The following RSPO3 variants were observed in gnomAD, a reference collection of about 807,000 sequenced individuals.
RSPO3 encodes R-spondin 3, also known as R-spondin-3.
Under a neutral mutation model 36.5 loss-of-function variants are expected in RSPO3, and 17 were observed. The observed-to-expected ratio is 0.47, with a 90% CI of 0.32 to 0.70. The LOEUF (loss-of-function observed/expected upper bound fraction) is 0.70. RSPO3 is among the 30% of genes least tolerant of loss of function. The pLI is 0.04. For missense variants in RSPO3, 294 were observed against 322.5 expected (o/e 0.91, Z 0.68); for synonymous variants, 108 against 107.0 (o/e 1.01, Z -0.06).
chr6:127,162,867 TCTG>T (rs1350375662), intron 4 of RSPO3, among the ~76,000 whole-genome samples: 1 of 152,202 alleles, frequency 6.6e-6, no homozygotes, highest in Non-Finnish European at 1.5e-5. Context: ...ATGAAACTTC[TCTG>T]CTTACATTTC....
chr6:127,152,163 A>G (rs1774502827), intron 3 of RSPO3, among the ~76,000 whole-genome samples: 2 of 152,162 alleles, frequency 1.3e-5, no homozygotes, highest in African/African-American at 4.8e-5. Flanking sequence ...AAGACTATTT[A>G]TTTCTTAACA....
chr6:127,168,325 G>T (rs756677321), intron 4 of RSPO3, among the ~76,000 whole-genome samples: 5 of 152,080 alleles, frequency 3.3e-5, no homozygotes, highest in Non-Finnish European at 5.9e-5. Flanking sequence ...TCTCATTGTG[G>T]TTTTGATTTG....
chr6:127,158,625 T>C (rs1428987457), intron 4 of RSPO3, among the ~76,000 whole-genome samples: 1 of 152,118 alleles, frequency 6.6e-6, no homozygotes, highest in Non-Finnish European at 1.5e-5. Flanking sequence ...ACAGAGTGGA[T>C]TCATCTAGTT....
chr6:127,143,318 C>A (rs1279075099), intron 1 of RSPO3, among the ~76,000 whole-genome samples: 2 of 151,946 alleles, frequency 1.3e-5, no homozygotes, highest in Non-Finnish European at 2.9e-5. Flanking sequence ...TGTGAGCACA[C>A]TTCTAAAAAG....
chr6:127,198,523 T>C lies in RSPO3; in HGVS notation c.*2516T>C, dbSNP rs550520128. 2.0e-5 allele frequency among the ~76,000 whole-genome samples: 3 copies of C among 152,304 alleles called. No homozygotes were observed. Among genetic ancestry groups the C allele is most frequent in the African/African-American group, 7.2e-5 (3 of 41,560 alleles). On this transcript the variant is annotated 3_prime_UTR_variant, in exon 5 of 5. Coordinates refer to ENST00000356698, the MANE Select transcript of RSPO3 (RefSeq NM_032784.5). Reference sequence around the variant, plus strand: ...ATTCTGTCTCCATAATGGGGTAAACTGTTGATAGTTTACCCCATCAACAGA... The same window carrying C: ...ATTCTGTCTCCATAATGGGGTAAACCGTTGATAGTTTACCCCATCAACAGA...
intron 1 of RSPO3, among the ~76,000 whole-genome samples, chr6:127,126,053 A>C (rs953233722): frequency 6.6e-6 from 1 of 152,176 alleles, no homozygotes; most frequent in Non-Finnish European, 1.5e-5. Flanking sequence ...AAAGGGAAAG[A>C]GATGGAGGCC....
chr6:127,168,323 T>C (rs1239802630), intron 4 of RSPO3, among the ~76,000 whole-genome samples: 1 of 152,158 alleles, frequency 6.6e-6, no homozygotes, highest in African/African-American at 2.4e-5. Flanking sequence ...TTTCTCATTG[T>C]GGTTTTGATT....
intron 4 of RSPO3, among the ~76,000 whole-genome samples, chr6:127,169,162 C>A (rs1421332156): frequency 1.3e-5 from 2 of 151,866 alleles, no homozygotes; most frequent in Non-Finnish European, 2.9e-5. Flanking sequence ...CTCCCACCAA[C>A]CATGTAGAAG....
intron 1 of RSPO3, among the ~76,000 whole-genome samples, chr6:127,137,890 T>C (rs1362222514): frequency 6.6e-6 from 1 of 152,246 alleles, no homozygotes; most frequent in East Asian, 1.9e-4. Context: ...ATCTTATTAA[T>C]TGTATTGTAG....
chr6:127,169,713 T>C (rs1452005335), intron 4 of RSPO3, among the ~76,000 whole-genome samples: 1 of 151,946 alleles, frequency 6.6e-6, no homozygotes, highest in Non-Finnish European at 1.5e-5. Flanking sequence ...GTTTCCACTG[T>C]ATCATAAGGC....
chr6:127,123,272 T>C (rs1773879917), intron 1 of RSPO3, among the ~76,000 whole-genome samples: 1 of 152,170 alleles, frequency 6.6e-6, no homozygotes, highest in African/African-American at 2.4e-5. Context: ...CATTTTGTAA[T>C]ATTAATTTCA....
intron 4 of RSPO3, among the ~76,000 whole-genome samples, chr6:127,165,860 A>G: frequency 6.6e-6 from 1 of 151,964 alleles, no homozygotes; most frequent in East Asian, 1.9e-4. Flanking sequence ...TTTGGCTTAC[A>G]CAAAAGCTGT....
intron 4 of RSPO3, chr6:127,192,661 G>C (rs778121687): frequency 1.0e-6 from 1 of 985,272 alleles, no homozygotes; most frequent in South Asian, 4.7e-5. Context: ...ATCAAGGGGA[G>C]ATGAACGCTG....
intron 1 of RSPO3, among the ~76,000 whole-genome samples, chr6:127,130,634 A>G (rs1038420014): frequency 9.2e-5 from 14 of 152,120 alleles, no homozygotes; most frequent in South Asian, 2.1e-4. Context: ...ACAATAAGAT[A>G]ACCAAAGAAT....
chr6:127,120,498 A>G (rs1368999313), intron 1 of RSPO3, among the ~76,000 whole-genome samples: 3 of 152,196 alleles, frequency 2.0e-5, no homozygotes, highest in Non-Finnish European at 2.9e-5. Context: ...TGGTTTCCCA[A>G]GGGGATCCCT....
At chr6:127,126,537 T>C (rs1582783869) in intron 1 of RSPO3, among the ~76,000 whole-genome samples, 1 of 152,086 alleles carries the variant, frequency 6.6e-6, no homozygotes, top group Non-Finnish European at 1.5e-5. Flanking sequence ...TTGCCAAATC[T>C]TGCAGCTGAA....
chr6:127,175,107 C>A (rs541882023), intron 4 of RSPO3, among the ~76,000 whole-genome samples: 2 of 151,916 alleles, frequency 1.3e-5, no homozygotes, highest in South Asian at 4.1e-4. Flanking sequence ...TTATCAAAAG[C>A]TTTCAATGCT....
intron 1 of RSPO3, among the ~76,000 whole-genome samples, chr6:127,132,302 G>A (rs1774074054): frequency 6.6e-6 from 1 of 152,100 alleles, no homozygotes; most frequent in Non-Finnish European, 1.5e-5. Context: ...CAAAGATTCT[G>A]ATACTGTATA....
intron 4 of RSPO3, among the ~76,000 whole-genome samples, chr6:127,171,061 A>C (rs1774924660): frequency 6.6e-6 from 1 of 151,790 alleles, no homozygotes; most frequent in South Asian, 2.1e-4. Context: ...AAAATAAAAT[A>C]AAAATAAACT....
Sources: allele counts gnomAD v4.1 joint callset (sites outside exome capture counted in the v4.1 genomes callset), GRCh38; gene constraint gnomAD v4.1.1; transcripts MANE v1.5; gene names NCBI Gene and HGNC (gene_info 2026-07-23, HGNC 2026-07-21).